The following GZMK variants were observed in gnomAD, a reference collection of about 807,000 sequenced individuals.
GZMK encodes the protein granzyme K.
In GZMK, 18 loss-of-function variants were observed where a neutral mutation model predicts 22.8. The ratio of observed to expected loss-of-function variants is 0.79; its 90% CI spans 0.54 to 1.17. GZMK has a LOEUF of 1.17. Among genes scored for constraint, GZMK ranks in the 50% most tolerant of loss-of-function variants. The pLI is 0.00. For missense variants in GZMK, 342 were observed against 320.2 expected, an observed-to-expected ratio of 1.07 and a Z score of -0.52; for synonymous variants, 136 against 115.0, an observed-to-expected ratio of 1.18 and a Z score of -1.17.
At chr5:55,029,161 G>A (rs1488774737) in intron 2 of GZMK, among the ~76,000 whole-genome samples, 2 of 152,098 alleles carry the variant, frequency 1.3e-5, no homozygotes, top group African/African-American at 2.4e-5. Context: ...CTTGATCCTG[G>A]GAGGCGGAGG....
intron 2 of GZMK, among the ~76,000 whole-genome samples, chr5:55,029,812 T>G (rs756044447): frequency 1.3e-4 from 20 of 152,206 alleles, no homozygotes; most frequent in Non-Finnish European, 2.9e-4. Flanking sequence ...CACCTCAGTC[T>G]CCCAAGTGGC....
Position 55,031,506 on chromosome 5 carries a change from G to A in GZMK, c.506G>A (p.Arg169Gln), listed in dbSNP as rs144778115. 8.9e-5 allele frequency: 143 copies of A among 1,614,100 alleles called. No homozygotes were observed. The African/African-American group carries it at 1.3e-3, about 15-fold the overall frequency. The part of the protein sequence containing the change: ...PDSLRPSDTL[R>Q]EVTVTVLSRK... ...TCATTAAGACCTTCTGACACCCTGC[G>A]AGAAGTCACTGTTACTGTCCTAAGT... The change falls in exon 4 of 5, where the codon CGA becomes CAA. Residue 169 changes from arginine (R) to glutamine (Q), a missense_variant. Arg to Gln is a conservative substitution (Grantham distance 43, BLOSUM62 1). Coordinates refer to ENST00000231009, the MANE Select transcript of GZMK (RefSeq NM_002104.3).
At position 55,030,415 on chromosome 5, in the gene GZMK, T is replaced by A. The variant is rs1465227436; in HGVS notation, c.213-19T>A. On this transcript the variant is annotated intron_variant, in intron 2 of 4. Transcript: ENST00000231009. ...TTTGGAAATCATTCTGCTGCTTTCATTGTCTTTGCTTTTTTTAGGTTTACC... is the reference window on the plus strand; with the variant it reads ...TTTGGAAATCATTCTGCTGCTTTCAATGTCTTTGCTTTTTTTAGGTTTACC... 1 of 1,611,748 alleles carries A rather than the reference T, an allele frequency of 6.2e-7. No individual in the cohort carries two copies. Among genetic ancestry groups the A allele is most frequent in the Admixed American group, 1.7e-5 (1 of 59,658 alleles).
At chr5:55,031,659 A>C in intron 4 of GZMK, 26 bp downstream of exon 4, 1 of 1,601,060 alleles carries the variant, frequency 6.2e-7, no homozygotes, top group East Asian at 2.2e-5. Context: ...TCAAACAGGC[A>C]TCTTGGAGCG....
At chr5:55,032,154 T>TTCAAGA (rs1372669609) in intron 4 of GZMK, among the ~76,000 whole-genome samples, 2 of 152,178 alleles carry the variant, frequency 1.3e-5, no homozygotes, top group African/African-American at 4.8e-5. Context: ...CTTTATTCTG[T>TTCAAGA]TCAAGATCAA....
intron 4 of GZMK, 95 bp downstream of exon 4, chr5:55,031,728 A>T: frequency 1.0e-6 from 1 of 979,374 alleles, no homozygotes; most frequent in Non-Finnish European, 1.5e-6. Context: ...AGGGGCATGG[A>T]GAATACAAAA....
chr5:55,031,491 CT>C lies in GZMK; in HGVS notation c.493del (p.Ser165LeufsTer12), dbSNP rs1167099115. The stretch of plus-strand genomic sequence containing the variant: ...GCCACCGATCCAGATTCATTAAGAC[CT>C]TCTGACACCCTGCGAGAAGTCACTG... ...WGATDPDSLRPSDTLREVTVT... is the reference protein window; with the variant it reads ...WGATDPDSLRXSDTLREVTVT... On this transcript the variant is annotated frameshift_variant, in exon 4 of 5. Transcript: ENST00000231009. LOFTEE classifies it high-confidence loss of function. The C allele has an allele frequency of 6.2e-7, 1 of 1,614,178 alleles. No individual in the cohort carries two copies. Among genetic ancestry groups the C allele is most frequent in the Non-Finnish European group, 8.5e-7 (1 of 1,180,026 alleles).
Position 55,024,770 on chromosome 5 carries a change from C to G in GZMK, c.175C>G (p.Pro59Ala). 1.9e-6 allele frequency: 3 copies of G among 1,610,730 alleles called. No homozygotes were observed. The highest frequency in any genetic ancestry group is 2.5e-6 in the Non-Finnish European group (3 of 1,177,386). Residue 59 changes from proline (P) to alanine (A), a missense_variant, in exon 2 of 5, where the codon CCA (proline) becomes GCA (alanine). Pro to Ala is a conservative substitution (Grantham distance 27). Transcript: ENST00000231009. ...HHVCGGVLID[P>A]QWVLTAAHCQ... The stretch of plus-strand genomic sequence containing the variant: ...CGTTTGTGGAGGTGTTCTGATTGAT[C>G]CACAGTGGGTGCTGACAGCAGCCCA...
intron 2 of GZMK, chr5:55,025,579 C>T (rs1260309326): frequency 1.3e-5 from 2 of 152,232 alleles, no homozygotes; most frequent in South Asian, 2.1e-4. Context: ...AAAGGAAATG[C>T]CAGTAGAAAA....
At chr5:55,030,408 G>A (rs1323454988) in intron 2 of GZMK, 26 bp from the exon 3 acceptor site, 3 of 1,610,862 alleles carry the variant, frequency 1.9e-6, no homozygotes, top group Middle Eastern at 1.7e-4. Context: ...TCATTCTGCT[G>A]CTTTCATTGT....
At chr5:55,028,560 A>G (rs1230089650) in intron 2 of GZMK, 1 of 152,222 alleles carries the variant, frequency 6.6e-6, no homozygotes, top group African/African-American at 2.4e-5. Context: ...GCCATTTTCA[A>G]ATCTGAAACA....
chr5:55,025,883 G>C (rs1041763015), intron 2 of GZMK: 1 of 152,204 alleles, frequency 6.6e-6, no homozygotes, highest in African/African-American at 2.4e-5. Context: ...CAAACTGGGA[G>C]ATCTTCTGCT....
rs115474545 is a variant in GZMK, at chr5:55,026,119, C to G, written c.212+1312C>G. ...TGCTCATAATACACATTCAAATGGT[C>G]TATAACCTCCCCAGACACAGAGCTT... On this transcript the variant is annotated intron_variant, in intron 2 of 4. Coordinates refer to ENST00000231009, the MANE Select transcript of GZMK (RefSeq NM_002104.3). Among the ~76,000 whole-genome samples the G allele has an allele frequency of 1.5e-3, 235 of 152,312 alleles. 2 individuals carry two copies. Among genetic ancestry groups the G allele is most frequent in the African/African-American group, 5.3e-3 (221 of 41,562 alleles).
At chr5:55,031,103 G>GAAA (rs1227332787) in intron 3 of GZMK, among the ~76,000 whole-genome samples, 2 of 152,158 alleles carry the variant, frequency 1.3e-5, no homozygotes, top group Non-Finnish European at 2.9e-5. Context: ...ACCATCCAAT[G>GAAA]CAGGGCAAAG....
intron 3 of GZMK, among the ~76,000 whole-genome samples, 176 bp from the exon 4 acceptor site, chr5:55,031,188 G>A (rs1038755634): frequency 6.6e-6 from 1 of 152,202 alleles, no homozygotes; most frequent in Non-Finnish European, 1.5e-5. Flanking sequence ...GCTCCTCGGG[G>A]AGTAGAGAGC....
chr5:55,028,656 T>G (rs939537170), intron 2 of GZMK: 3 of 152,202 alleles, frequency 2.0e-5, no homozygotes, highest in Non-Finnish European at 2.9e-5. Context: ...GTATGTGTGT[T>G]TTTACTGCAA....
chr5:55,024,347 C>T lies in GZMK; in HGVS notation c.25C>T (p.Leu9=), dbSNP rs6450282. MTKFSSFS[L]FFLIVGAYMT... is the part of the protein sequence containing the mutation. Reference sequence around the variant, plus strand: ...AATGACTAAGTTTTCTTCCTTTTCTCTGTTTTTCCTAATAGTTGGGGCTTA... The same window carrying T: ...AATGACTAAGTTTTCTTCCTTTTCTTTGTTTTTCCTAATAGTTGGGGCTTA... Residue 9 remains leucine, a synonymous_variant, in exon 1 of 5, where the codon CTG becomes TTG. Coordinates refer to ENST00000231009, the MANE Select transcript of GZMK (RefSeq NM_002104.3). 3,015 of 1,489,636 alleles carry T rather than the reference C, an allele frequency of 2.0e-3. 53 individuals carry two copies. In the African/African-American group the frequency reaches 0.038, roughly 19 times the overall value. The allele number at this position is 1,489,636 out of a possible 1,614,324, so 92.3% of individuals were successfully genotyped here.
At chr5:55,032,288 A>G (rs1264941479) in intron 4 of GZMK, among the ~76,000 whole-genome samples, 1 of 152,162 alleles carries the variant, frequency 6.6e-6, no homozygotes, top group Non-Finnish European at 1.5e-5. Flanking sequence ...CTCTTTAATA[A>G]GGGAACTAAT....
intron 2 of GZMK, chr5:55,025,637 T>TA (rs1741131189): frequency 7.4e-6 from 1 of 134,680 alleles, no homozygotes; most frequent in African/African-American, 3.2e-5. Flanking sequence ...TTTTTGGTTT[T>TA]GTTTTTTGTT....
Sources: allele counts gnomAD v4.1 joint callset (sites outside exome capture counted in the v4.1 genomes callset), GRCh38; gene constraint gnomAD v4.1.1; transcripts MANE v1.5; gene names NCBI Gene and HGNC (gene_info 2026-07-23, HGNC 2026-07-21).